SLC12A2: variants seen among roughly 807,000 people sequenced by gnomAD.
The protein encoded by SLC12A2 is solute carrier family 12 member 2.
Under a neutral mutation model 136.3 loss-of-function variants are expected in SLC12A2, and 67 were observed. The ratio of observed to expected loss-of-function variants is 0.49; its 90% CI spans 0.40 to 0.60. The LOEUF is 0.60. Among genes scored for constraint, SLC12A2 ranks in the 20% least tolerant of loss-of-function variants. The probability of loss-of-function intolerance (pLI) is 0.00; values close to 1 mark genes in which losing one functional copy is unlikely to be tolerated. For missense variants in SLC12A2, 1,322 were observed against 1,534.7 expected (o/e 0.86, Z 2.32); for synonymous variants, 619 against 562.9 (o/e 1.10, Z -1.41).
At chr5:128,088,758 A>G (rs984825162) in intron 1 of SLC12A2, among the ~76,000 whole-genome samples, 3 of 152,164 alleles carry the variant, frequency 2.0e-5, no homozygotes, top group Non-Finnish European at 4.4e-5. Context: ...ACAAGGGGAA[A>G]GGTCAAGGGA....
chr5:128,161,425 T>A (rs531519601), intron 16 of SLC12A2, among the ~76,000 whole-genome samples: 1 of 152,306 alleles, frequency 6.6e-6, no homozygotes, highest in South Asian at 2.1e-4. Flanking sequence ...TGTAAGTCTG[T>A]GTTTCTTCTC....
intron 13 of SLC12A2, 88 bp downstream of exon 13, chr5:128,150,186 G>T: frequency 2.5e-6 from 2 of 813,522 alleles, no homozygotes; most frequent in East Asian, 5.1e-5. Flanking sequence ...AAGATGTTAT[G>T]TGTGGGGTTA....
intron 5 of SLC12A2, 70 bp downstream of exon 5, chr5:128,131,276 T>G (rs2126697583): frequency 6.7e-7 from 1 of 1,499,906 alleles, no homozygotes; most frequent in Non-Finnish European, 9.3e-7. Flanking sequence ...GATCACCATG[T>G]TAGAGGTTGG....
intron 4 of SLC12A2, among the ~76,000 whole-genome samples, chr5:128,117,341 T>C (rs768419594): frequency 6.6e-6 from 1 of 152,184 alleles, no homozygotes; most frequent in Non-Finnish European, 1.5e-5. Flanking sequence ...TATGAAAATA[T>C]GGATGTAAAT....
rs758104531 is a variant in SLC12A2 at position 128,186,637 on chromosome 5, C to G, written c.*6C>G. 1.2e-6 allele frequency: 2 copies of G among 1,613,656 alleles called. No homozygotes were observed. Among genetic ancestry groups the G allele is most frequent in the African/African-American group, 1.3e-5 (1 of 74,910 alleles). ...TCCTTACCTTCTATTCATAAATGTTCTATACAGTGGACAGCCCTCCAGAAT... is the reference window on the plus strand; with the variant it reads ...TCCTTACCTTCTATTCATAAATGTTGTATACAGTGGACAGCCCTCCAGAAT... On this transcript the variant is annotated 3_prime_UTR_variant, in exon 27 of 27. Transcript: ENST00000262461.
intron 1 of SLC12A2, among the ~76,000 whole-genome samples, chr5:128,086,497 T>C (rs528160792): frequency 6.6e-6 from 1 of 152,318 alleles, no homozygotes; most frequent in African/African-American, 2.4e-5. Flanking sequence ...TAGTTGTTAT[T>C]TCCCTCTTAT....
intron 1 of SLC12A2, among the ~76,000 whole-genome samples, chr5:128,099,274 G>A (rs1312260542): frequency 6.6e-6 from 1 of 152,094 alleles, no homozygotes; most frequent in Non-Finnish European, 1.5e-5. Flanking sequence ...TACTGTACAT[G>A]GTTGGAACAT....
chr5:128,134,241 G>C lies in SLC12A2; in HGVS notation c.1265G>C (p.Gly422Ala), dbSNP rs1762115870. The C allele has an allele frequency of 1.2e-6, 2 of 1,603,148 alleles. No homozygotes were observed. The highest frequency in any genetic ancestry group is 1.7e-5 in the Admixed American group (1 of 59,940). ...IGAITVVILL[G>A]ISVAGMEWEA... ...GCCATTACAGTCGTGATTCTTTTAG[G>C]TATCTCAGTAGCTGGAATGGAGTGG... is the stretch of plus-strand genomic sequence containing the variant. The change falls in exon 6 of 27, where the codon GGT (glycine) becomes GCT (alanine). Residue 422 changes from glycine (G) to alanine (A), a missense_variant. Coordinates refer to ENST00000262461, the MANE Select transcript of SLC12A2 (RefSeq NM_001046.3).
At chr5:128,183,278 A>G (rs1224862851) in intron 24 of SLC12A2, among the ~76,000 whole-genome samples, 1 of 152,052 alleles carries the variant, frequency 6.6e-6, no homozygotes, top group Non-Finnish European at 1.5e-5. Flanking sequence ...TAAAATAGGA[A>G]AATCTAAACA....
intron 10 of SLC12A2, among the ~76,000 whole-genome samples, chr5:128,144,928 C>T (rs1448614310): frequency 6.6e-6 from 1 of 151,820 alleles, no homozygotes; most frequent in African/African-American, 2.4e-5. Flanking sequence ...TCTTTTTTTC[C>T]CCTTTAGAGA....
chr5:128,164,852 T>G (rs947763690), intron 17 of SLC12A2, among the ~76,000 whole-genome samples: 6 of 150,632 alleles, frequency 4.0e-5, no homozygotes, highest in Non-Finnish European at 7.4e-5. Context: ...GTTTTGTTTT[T>G]TTTTTTTTTT....
intron 19 of SLC12A2, among the ~76,000 whole-genome samples, chr5:128,173,738 T>C (rs1296575510): frequency 2.0e-5 from 3 of 152,192 alleles, no homozygotes; most frequent in Non-Finnish European, 4.4e-5. Context: ...AGTGCTGGCA[T>C]GTAGCTTCTT....
At chr5:128,091,935 G>A (rs1287116169) in intron 1 of SLC12A2, among the ~76,000 whole-genome samples, 4 of 152,162 alleles carry the variant, frequency 2.6e-5, no homozygotes, top group Admixed American at 6.5e-5. Context: ...ATAGTTCTTT[G>A]TTGGGTAAGT....
At chr5:128,096,727 C>G (rs1296145791) in intron 1 of SLC12A2, among the ~76,000 whole-genome samples, 1 of 152,058 alleles carries the variant, frequency 6.6e-6, no homozygotes, top group Admixed American at 6.6e-5. Context: ...GAAAATATTA[C>G]ACTGCCTCTC....
rs1359399496 is a variant in SLC12A2, at chr5:128,189,277, A to T, written c.*2646A>T. On this transcript the variant is annotated 3_prime_UTR_variant, in exon 27 of 27. Transcript: ENST00000262461. The stretch of plus-strand genomic sequence containing the variant: ...TTTTTTTTAGTTCTAATCATTGATG[A>T]TAGCTTGGAAATAAATAATTATGCC... 6.6e-6 allele frequency: 1 copy of T among 152,126 alleles called. No homozygotes were observed. The highest frequency in any genetic ancestry group is 1.5e-5 in the Non-Finnish European group (1 of 68,000). 9.4% of individuals were successfully genotyped at this position (152,126 alleles called of 1,614,324 possible).
intron 1 of SLC12A2, among the ~76,000 whole-genome samples, chr5:128,085,560 T>A (rs1245516278): frequency 6.6e-6 from 1 of 152,230 alleles, no homozygotes; most frequent in Non-Finnish European, 1.5e-5. Context: ...GTCACTGTTT[T>A]GAGATAACAT....
intron 4 of SLC12A2, among the ~76,000 whole-genome samples, chr5:128,126,882 C>G (rs1237808392): frequency 7.1e-6 from 1 of 141,142 alleles, no homozygotes; most frequent in Non-Finnish European, 1.5e-5. Flanking sequence ...TGTCATGATT[C>G]TCCTGCATCT....
intron 1 of SLC12A2, among the ~76,000 whole-genome samples, chr5:128,108,129 G>T (rs974466371): frequency 6.6e-6 from 1 of 151,950 alleles, no homozygotes; most frequent in African/African-American, 2.4e-5. Flanking sequence ...CCAGCAAGCA[G>T]AAGAAGAATA....
chr5:128,129,055 G>A (rs191509384), intron 4 of SLC12A2, among the ~76,000 whole-genome samples: 342 of 152,018 alleles, frequency 2.2e-3, no homozygotes, highest in African/African-American at 7.9e-3. Context: ...AAACTTTAAG[G>A]CACATAACAT....
Sources: gnomAD v4.1 joint callset for allele counts (sites outside exome capture counted in the v4.1 genomes callset) on GRCh38, gnomAD v4.1.1 for gene constraint, MANE v1.5 for transcripts, NCBI Gene and HGNC (gene_info 2026-07-23, HGNC 2026-07-21) for gene names.